The following SGCZ variants were observed in gnomAD, a reference collection of about 807,000 sequenced individuals.
SGCZ encodes the protein sarcoglycan zeta.
SGCZ carries 40 observed loss-of-function variants against 41.3 expected under a neutral mutation model. The observed-to-expected ratio is 0.97, with a 90% confidence interval of 0.75 to 1.26. The LOEUF (loss-of-function observed/expected upper bound fraction) is 1.26. SGCZ is among the 50% of genes most tolerant of loss of function. The pLI is 0.00. For missense variants in SGCZ, 552 were observed against 369.8 expected, an observed-to-expected ratio of 1.49 and a Z score of -4.04; for synonymous variants, 206 against 137.5, an observed-to-expected ratio of 1.50 and a Z score of -3.49.
At chr8:14,675,624 C>T (rs1422265505) in intron 1 of SGCZ, among the ~76,000 whole-genome samples, 1 of 151,966 alleles carries the variant, frequency 6.6e-6, no homozygotes, top group Non-Finnish European at 1.5e-5. Context: ...AGCTGCTTGC[C>T]CAGGTGCTGG....
intron 1 of SGCZ, among the ~76,000 whole-genome samples, chr8:14,677,481 T>A (rs987251653): frequency 2.6e-5 from 4 of 152,052 alleles, no homozygotes; most frequent in Non-Finnish European, 5.9e-5. Context: ...AACAAACTGA[T>A]TCTATATGGG....
intron 2 of SGCZ, among the ~76,000 whole-genome samples, chr8:14,344,434 A>T (rs1176506881): frequency 4.6e-5 from 7 of 152,246 alleles, no homozygotes; most frequent in African/African-American, 1.2e-4. Context: ...AAAATACATT[A>T]ACTATAGAAT....
intron 1 of SGCZ, among the ~76,000 whole-genome samples, chr8:14,578,830 G>C (rs985155087): frequency 4.6e-5 from 7 of 152,084 alleles, no homozygotes; most frequent in Admixed American, 3.3e-4. Context: ...TTACAAATTA[G>C]ATATGTAAAA....
At chr8:15,175,634 G>C (rs746463289) in intron 1 of SGCZ, among the ~76,000 whole-genome samples, 1 of 151,390 alleles carries the variant, frequency 6.6e-6, no homozygotes, top group Non-Finnish European at 1.5e-5. Flanking sequence ...ACAAACCCCC[G>C]TGACACACAT....
intron 1 of SGCZ, among the ~76,000 whole-genome samples, chr8:15,114,385 C>T (rs1807188130): frequency 1.3e-5 from 2 of 152,072 alleles, no homozygotes; most frequent in Admixed American, 1.3e-4. Context: ...GCTTTGTTTT[C>T]CCAGCCTGTG....
chr8:14,939,780 C>G (rs1485714146), intron 1 of SGCZ, among the ~76,000 whole-genome samples: 1 of 152,072 alleles, frequency 6.6e-6, no homozygotes, highest in Non-Finnish European at 1.5e-5. Flanking sequence ...AGGGAAGCAG[C>G]TTCTACAATT....
chr8:14,479,375 C>G (rs148425799), intron 2 of SGCZ, among the ~76,000 whole-genome samples: 156 of 152,278 alleles, frequency 1.0e-3, no homozygotes, highest in African/African-American at 3.5e-3. Context: ...GCTCCGCCTG[C>G]TTTTATTTCA....
In SGCZ at chr8:14,351,420, C is replaced by T. The variant is rs1293015237; in HGVS notation, c.235-27216G>A. The stretch of plus-strand genomic sequence containing the variant: ...CAGCCTTGTCTTCACCTTCTCTTAC[C>T]TACCCTCATTTTTTATCTGCCATAA... On this transcript the variant is annotated intron_variant, in intron 2 of 7. Coordinates refer to ENST00000382080, the MANE Select transcript of SGCZ (RefSeq NM_139167.4). Among the ~76,000 whole-genome samples the T allele has an allele frequency of 2.0e-5, 3 of 152,088 alleles. No homozygotes were observed. In the East Asian group the frequency reaches 5.8e-4, roughly 29 times the overall value.
intron 2 of SGCZ, among the ~76,000 whole-genome samples, chr8:14,475,624 A>C (rs2116989943): frequency 6.6e-6 from 1 of 152,266 alleles, no homozygotes; most frequent in South Asian, 2.1e-4. Context: ...TTGTGCTATA[A>C]ATTGTTGGAG....
intron 1 of SGCZ, among the ~76,000 whole-genome samples, chr8:14,917,075 G>C (rs1382556804): frequency 2.0e-5 from 3 of 152,110 alleles, no homozygotes; most frequent in African/African-American, 7.2e-5. Context: ...AGACTCATTA[G>C]ATAAAATATG....
At chr8:14,445,887 C>T (rs1800418129) in intron 2 of SGCZ, among the ~76,000 whole-genome samples, 1 of 152,152 alleles carries the variant, frequency 6.6e-6, no homozygotes, top group Admixed American at 6.5e-5. Flanking sequence ...GGATCCTGCA[C>T]TCACTAACTC....
At chr8:14,642,710 T>C (rs1326886563) in intron 1 of SGCZ, among the ~76,000 whole-genome samples, 1 of 151,570 alleles carries the variant, frequency 6.6e-6, no homozygotes, top group African/African-American at 2.4e-5. Flanking sequence ...TTTTGTAATG[T>C]AAATACTTAA....
chr8:14,399,837 T>C (rs1309740640), intron 2 of SGCZ, among the ~76,000 whole-genome samples: 2 of 152,140 alleles, frequency 1.3e-5, no homozygotes, highest in South Asian at 2.1e-4. Context: ...AACATCCTTA[T>C]TGAGCTACAC....
At chr8:14,231,275 C>T (rs1261365638) in intron 4 of SGCZ, among the ~76,000 whole-genome samples, 1 of 134,580 alleles carries the variant, frequency 7.4e-6, no homozygotes, top group East Asian at 2.2e-4. Flanking sequence ...GAGACAGAGA[C>T]AGAGAGAGAG....
intron 1 of SGCZ, among the ~76,000 whole-genome samples, chr8:14,950,949 T>C (rs1238695727): frequency 2.6e-5 from 4 of 151,876 alleles, no homozygotes; most frequent in Non-Finnish European, 5.9e-5. Flanking sequence ...AATTCAAAGT[T>C]TTGAATGTAG....
At chr8:14,800,268 T>A (rs1013071430) in intron 1 of SGCZ, among the ~76,000 whole-genome samples, 10 of 152,148 alleles carry the variant, frequency 6.6e-5, no homozygotes, top group Non-Finnish European at 1.3e-4. Context: ...CAAAAAGACA[T>A]AAAAATGTCT....
At chr8:14,495,811 C>T (rs1349871562) in intron 2 of SGCZ, among the ~76,000 whole-genome samples, 1 of 152,016 alleles carries the variant, frequency 6.6e-6, no homozygotes, top group Non-Finnish European at 1.5e-5. Flanking sequence ...TTGAAGCCAT[C>T]CAAAAGCTAT....
chr8:14,649,264 G>A (rs993104159), intron 1 of SGCZ, among the ~76,000 whole-genome samples: 1 of 152,058 alleles, frequency 6.6e-6, no homozygotes, highest in Non-Finnish European at 1.5e-5. Context: ...TATTTGTGAG[G>A]TAGAAATACG....
intron 1 of SGCZ, among the ~76,000 whole-genome samples, chr8:14,673,446 GTCTC>G (rs752976355): frequency 9.4e-5 from 14 of 148,556 alleles, no homozygotes; most frequent in Non-Finnish European, 1.5e-4. Flanking sequence ...CGCTCGCGCT[GTCTC>G]TCTCTCTCTC....
Sources: gnomAD v4.1 joint callset for allele counts (sites outside exome capture counted in the v4.1 genomes callset) on GRCh38, gnomAD v4.1.1 for gene constraint, MANE v1.5 for transcripts, NCBI Gene and HGNC (gene_info 2026-07-23, HGNC 2026-07-21) for gene names.